ZZZ3: variants seen among roughly 807,000 people sequenced by gnomAD.
ZZZ3 encodes zinc finger ZZ-type containing 3.
Under a neutral mutation model 95.2 loss-of-function variants are expected in ZZZ3, and 22 were observed. That is an observed-to-expected ratio of 0.23 (90% CI 0.17 to 0.33). ZZZ3 has a LOEUF of 0.33. Ranked by LOEUF, ZZZ3 falls within the 10% of genes least tolerant of loss-of-function variation. ZZZ3 has a pLI of 1.00. For missense variants in ZZZ3, 885 were observed against 1,066.5 expected (o/e 0.83, Z 2.37); for synonymous variants, 335 against 358.9 (o/e 0.93, Z 0.75).
intron 5 of ZZZ3, among the ~76,000 whole-genome samples, chr1:77,603,095 T>A (rs1054983854): frequency 6.6e-6 from 1 of 151,900 alleles, no homozygotes; most frequent in Non-Finnish European, 1.5e-5. Flanking sequence ...TTTTTTTTTT[T>A]AAACAGAGTC....
intron 13 of ZZZ3, among the ~76,000 whole-genome samples, chr1:77,567,810 C>A (rs1660970579): frequency 6.6e-6 from 1 of 152,102 alleles, no homozygotes; most frequent in Non-Finnish European, 1.5e-5. Flanking sequence ...GAAAAAAACC[C>A]ATTTCTGACC....
intron 5 of ZZZ3, among the ~76,000 whole-genome samples, chr1:77,616,035 A>ATTT (rs1666277495): frequency 6.6e-6 from 1 of 152,208 alleles, no homozygotes; most frequent in African/African-American, 2.4e-5. Flanking sequence ...GTTTATACAC[A>ATTT]TTATACACTG....
At chr1:77,587,666 C>A (rs1206152765) in intron 5 of ZZZ3, among the ~76,000 whole-genome samples, 1 of 152,148 alleles carries the variant, frequency 6.6e-6, no homozygotes, top group Non-Finnish European at 1.5e-5. Context: ...GAAAGACAAA[C>A]AGGTTCATAA....
Position 77,632,318 on chromosome 1 carries a change from A to T in ZZZ3, c.1037T>A (p.Met346Lys), listed in dbSNP as rs41292270. 37,521 of 1,614,168 alleles carry T rather than the reference A, an allele frequency of 0.023. 529 individuals carry two copies. The highest frequency in any genetic ancestry group is 0.027 in the Non-Finnish European group (32,154 of 1,180,010). Residue 346 changes from methionine (M) to lysine (K), a missense_variant, in exon 5 of 15, where the codon ATG becomes AAG. This residue lies in a region of ZZZ3 where 556 missense variants were observed against 652.9 expected (regional missense o/e 0.85). Transcript: ENST00000370801. ...TGGTTCAGGTTCTCCGGAGGCTGGCATACTCTCAAGACTTGTGTCCAGTTC... is the reference window on the plus strand; with the variant it reads ...TGGTTCAGGTTCTCCGGAGGCTGGCTTACTCTCAAGACTTGTGTCCAGTTC... Reference protein sequence around the residue: ...NNELDTSLESMPASGEPEPSP... With the variant: ...NNELDTSLESKPASGEPEPSP...
At chr1:77,628,661 T>C (rs1667526481) in intron 5 of ZZZ3, among the ~76,000 whole-genome samples, 2 of 152,202 alleles carry the variant, frequency 1.3e-5, no homozygotes, top group East Asian at 3.8e-4. Context: ...AGCTGAACAC[T>C]AGGATAGAAG....
At chr1:77,618,960 T>C (rs980033864) in intron 5 of ZZZ3, among the ~76,000 whole-genome samples, 1 of 152,112 alleles carries the variant, frequency 6.6e-6, no homozygotes, top group Non-Finnish European at 1.5e-5. Context: ...TCTAAATATA[T>C]GCCACAGAAT....
At chr1:77,647,072 A>G (rs1669344905) in intron 1 of ZZZ3, among the ~76,000 whole-genome samples, 1 of 152,248 alleles carries the variant, frequency 6.6e-6, no homozygotes, top group African/African-American at 2.4e-5. Context: ...CTGAAGGGTA[A>G]GTAGTATGTA....
intron 5 of ZZZ3, among the ~76,000 whole-genome samples, chr1:77,618,539 G>A (rs1290446385): frequency 2.0e-5 from 3 of 152,124 alleles, no homozygotes; most frequent in East Asian, 1.9e-4. Context: ...AGTGGTGAGA[G>A]AGTATATATA....
chr1:77,680,658 T>C (rs150238177), intron 1 of ZZZ3, among the ~76,000 whole-genome samples: 51 of 152,296 alleles, frequency 3.3e-4, no homozygotes, highest in African/African-American at 1.2e-3. Flanking sequence ...ATACCTTTGT[T>C]TGTACTAACT....
intron 4 of ZZZ3, among the ~76,000 whole-genome samples, chr1:77,637,209 A>G (rs1442424485): frequency 3.3e-5 from 5 of 152,210 alleles, no homozygotes; most frequent in Middle Eastern, 3.2e-3. Context: ...CTATTTATAA[A>G]ATACCCTTTA....
Position 77,631,837 on chromosome 1 carries a change from T to C in ZZZ3, c.1505+13A>G. Reference sequence around the variant, plus strand: ...AACAAAGCAGAATTCATGGTTACCATATTTACACATACTCTTTGTTGTGTT... The same window carrying C: ...AACAAAGCAGAATTCATGGTTACCACATTTACACATACTCTTTGTTGTGTT... On this transcript the variant is annotated intron_variant, in intron 5 of 14. Coordinates refer to ENST00000370801, the MANE Select transcript of ZZZ3 (RefSeq NM_015534.6). 6.5e-7 allele frequency: 1 copy of C among 1,542,756 alleles called. No individual in the cohort carries two copies. Among genetic ancestry groups the C allele is most frequent in the Non-Finnish European group, 8.8e-7 (1 of 1,140,264 alleles).
chr1:77,598,924 T>G (rs1664469898), intron 5 of ZZZ3, among the ~76,000 whole-genome samples: 2 of 152,160 alleles, frequency 1.3e-5, no homozygotes, highest in Admixed American at 1.3e-4. Flanking sequence ...CTGTTTCAAT[T>G]TTAGTGCTTT....
chr1:77,599,072 G>C (rs1664486928), intron 5 of ZZZ3, among the ~76,000 whole-genome samples: 1 of 152,022 alleles, frequency 6.6e-6, no homozygotes, highest in Non-Finnish European at 1.5e-5. Context: ...TCCTTTTATA[G>C]AATCATATTA....
At chr1:77,607,793 G>A (rs754267351) in intron 5 of ZZZ3, among the ~76,000 whole-genome samples, 5 of 151,920 alleles carry the variant, frequency 3.3e-5, no homozygotes, top group Admixed American at 2.0e-4. Context: ...GTGGTGGCAC[G>A]TGCCTGTAGT....
At chr1:77,644,929 C>T (rs1669116923) in intron 1 of ZZZ3, among the ~76,000 whole-genome samples, 1 of 152,160 alleles carries the variant, frequency 6.6e-6, no homozygotes, top group Non-Finnish European at 1.5e-5. Context: ...TCTTCTAAAA[C>T]TTTAGTGTTC....
chr1:77,582,136 G>A lies in ZZZ3; in HGVS notation c.1645-10C>T. On this transcript the variant is annotated splice_polypyrimidine_tract_variant and intron_variant, in intron 6 of 14. Transcript: ENST00000370801. The stretch of plus-strand genomic sequence containing the variant: ...GAAGCCCAATATCAGCCTGGAGGCA[G>A]GGGAGAAAAAACAAAATAAAGTAAA... 6.4e-7 allele frequency: 1 copy of A among 1,572,582 alleles called. No homozygotes were observed. The highest frequency in any genetic ancestry group is 8.6e-7 in the Non-Finnish European group (1 of 1,166,864).
rs562107291 is a variant in ZZZ3 at position 77,607,648 on chromosome 1, G to A, written c.1506-22993C>T. On this transcript the variant is annotated intron_variant, in intron 5 of 14. Coordinates refer to ENST00000370801, the MANE Select transcript of ZZZ3 (RefSeq NM_015534.6). ...TATTTGAAAATACAGAGAGGAGGCC[G>A]GGCACAGTGGCTCACCTGTAATCCC... Among the ~76,000 whole-genome samples the A allele has an allele frequency of 3.2e-4, 48 of 152,194 alleles. No individual in the cohort carries two copies. In the East Asian group the frequency reaches 6.0e-3, roughly 19 times the overall value.
intron 5 of ZZZ3, among the ~76,000 whole-genome samples, chr1:77,593,351 C>T (rs577041050): frequency 3.3e-5 from 5 of 152,160 alleles, no homozygotes; most frequent in Non-Finnish European, 4.4e-5. Context: ...CCATCTAATA[C>T]TAATGCTTAA....
At chr1:77,644,197 C>T (rs952546972) in intron 1 of ZZZ3, among the ~76,000 whole-genome samples, 1 of 152,064 alleles carries the variant, frequency 6.6e-6, no homozygotes, top group African/African-American at 2.4e-5. Context: ...TCCTGAGTAG[C>T]TGGGATTACA....
Sources: gnomAD v4.1 joint callset for allele counts (sites outside exome capture counted in the v4.1 genomes callset) on GRCh38, gnomAD v4.1.1 for gene constraint, gnomAD v4.1.1 regional missense constraint, MANE v1.5 for transcripts, NCBI Gene and HGNC (gene_info 2026-07-23, HGNC 2026-07-21) for gene names.